The following PSD3 variants were observed in gnomAD, a reference collection of about 807,000 sequenced individuals.
PSD3 encodes the protein pleckstrin and Sec7 domain containing 3, also known as PH and SEC7 domain-containing protein 3.
A neutral mutation model predicts 105.5 loss-of-function variants in PSD3; 49 were observed. That is an observed-to-expected ratio of 0.46 (90% confidence interval 0.37 to 0.59). The LOEUF (loss-of-function observed/expected upper bound fraction) is 0.59. PSD3 is among the 20% of genes least tolerant of loss of function. The probability of loss-of-function intolerance (pLI) is 0.00; values close to 1 mark genes in which losing one functional copy is unlikely to be tolerated. For missense variants in PSD3, 1,561 were observed against 1,263.8 expected (o/e 1.24, Z -3.57); for synonymous variants, 557 against 457.8 (o/e 1.22, Z -2.77).
chr8:18,577,713 T>C (rs990916807), intron 12 of PSD3, among the ~76,000 whole-genome samples: 13 of 152,186 alleles, frequency 8.5e-5, no homozygotes, highest in South Asian at 2.1e-4. Context: ...ATCAACAAGA[T>C]AAGACTTTGA....
intron 4 of PSD3, among the ~76,000 whole-genome samples, chr8:18,806,470 T>C (rs1811211234): frequency 6.6e-6 from 1 of 152,228 alleles, no homozygotes; most frequent in African/African-American, 2.4e-5. Flanking sequence ...GATACATTAA[T>C]TTCCAAATCT....
intron 9 of PSD3, chr8:18,734,130 A>T (rs950723575): frequency 3.9e-5 from 6 of 152,244 alleles, no homozygotes; most frequent in Non-Finnish European, 7.3e-5. Context: ...AAACATTGGT[A>T]TCCATGTAAA....
chr8:18,629,901 T>C (rs1806769357), intron 11 of PSD3, among the ~76,000 whole-genome samples: 1 of 151,922 alleles, frequency 6.6e-6, no homozygotes, highest in African/African-American at 2.4e-5. Flanking sequence ...GGCTGAATTA[T>C]CTGCTAACAT....
At chr8:18,920,444 T>A (rs1423396025) in intron 2 of PSD3, among the ~76,000 whole-genome samples, 1 of 152,238 alleles carries the variant, frequency 6.6e-6, no homozygotes, top group Non-Finnish European at 1.5e-5. Flanking sequence ...TGTGGACAGA[T>A]ACAGCGGTAT....
Position 18,714,875 on chromosome 8 carries a change from CA to C in PSD3, c.2172+50573del, listed in dbSNP as rs1802488605. The stretch of plus-strand genomic sequence containing the variant: ...ATTCACAATATCAAAGACATGGAAT[CA>C]ACCCAAATGTCCATCAGTGATAGAC... On this transcript the variant is annotated intron_variant, in intron 9 of 15. Transcript: ENST00000327040. 2.0e-5 allele frequency among the ~76,000 whole-genome samples: 3 copies of C among 152,164 alleles called. No homozygotes were observed. The South Asian group carries it at 6.2e-4, about 31-fold the overall frequency.
intron 9 of PSD3, among the ~76,000 whole-genome samples, chr8:18,700,314 C>T (rs1801505254): frequency 6.6e-6 from 1 of 151,784 alleles, no homozygotes; most frequent in South Asian, 2.1e-4. Flanking sequence ...TATCGGTGGC[C>T]AAAAATAAGA....
intron 12 of PSD3, among the ~76,000 whole-genome samples, chr8:18,595,780 G>A (rs935037141): frequency 1.3e-5 from 2 of 152,000 alleles, no homozygotes; most frequent in African/African-American, 2.4e-5. Context: ...AACATTGACA[G>A]GACTGAAGGT....
chr8:18,982,212 T>C (rs965187795), intron 1 of PSD3, among the ~76,000 whole-genome samples: 1 of 152,248 alleles, frequency 6.6e-6, no homozygotes, highest in Admixed American at 6.5e-5. Flanking sequence ...CCTCATCCAC[T>C]AATGGTGCAT....
chr8:19,057,856 G>A (rs1828762833), intron 1 of PSD3, among the ~76,000 whole-genome samples: 1 of 152,116 alleles, frequency 6.6e-6, no homozygotes, highest in East Asian at 1.9e-4. Flanking sequence ...CAAAATGACA[G>A]GGCCACTCTA....
intron 10 of PSD3, among the ~76,000 whole-genome samples, chr8:18,652,576 C>T (rs1298503945): frequency 1.4e-5 from 2 of 143,972 alleles, no homozygotes. Flanking sequence ...CAGCTCACTG[C>T]AACCTCTGTT....
intron 10 of PSD3, among the ~76,000 whole-genome samples, chr8:18,648,908 G>A (rs67765763): frequency 0.08 from 12,120 of 152,336 alleles, 733 homozygotes; most frequent in African/African-American, 0.17. Flanking sequence ...TCCACATGGC[G>A]TTAAGCCTAT....
intron 2 of PSD3, among the ~76,000 whole-genome samples, chr8:18,879,407 AC>A (rs1817971480): frequency 6.6e-6 from 1 of 152,160 alleles, no homozygotes; most frequent in African/African-American, 2.4e-5. Flanking sequence ...ACTGGAACAG[AC>A]GGGGGGAGAC....
intron 1 of PSD3, among the ~76,000 whole-genome samples, chr8:18,949,039 G>A (rs1247284817): frequency 1.2e-4 from 18 of 150,116 alleles, no homozygotes; most frequent in African/African-American, 3.7e-4. Context: ...AGTTATACAC[G>A]GTGAAACCCC....
At chr8:18,817,920 T>A (rs1812348649) in intron 4 of PSD3, among the ~76,000 whole-genome samples, 1 of 152,188 alleles carries the variant, frequency 6.6e-6, no homozygotes, top group Non-Finnish European at 1.5e-5. Flanking sequence ...AAACCATGAT[T>A]ACTAAATAGA....
intron 1 of PSD3, among the ~76,000 whole-genome samples, chr8:19,007,731 C>G (rs1253016579): frequency 6.6e-6 from 1 of 152,198 alleles, no homozygotes; most frequent in African/African-American, 2.4e-5. Flanking sequence ...TTGCTGAATG[C>G]TTAAATCAAC....
At chr8:18,773,945 T>A (rs1309012212) in intron 8 of PSD3, among the ~76,000 whole-genome samples, 1 of 152,232 alleles carries the variant, frequency 6.6e-6, no homozygotes, top group African/African-American at 2.4e-5. Flanking sequence ...TCACTTGAAC[T>A]TATTTTGTTA....
chr8:18,586,230 T>G (rs945795691), intron 12 of PSD3, among the ~76,000 whole-genome samples: 2 of 151,838 alleles, frequency 1.3e-5, no homozygotes, highest in African/African-American at 2.4e-5. Flanking sequence ...GGGATGGGAG[T>G]AGTGAAAGAG....
chr8:18,557,088 A>G (rs1331698820), intron 14 of PSD3, among the ~76,000 whole-genome samples: 4 of 152,244 alleles, frequency 2.6e-5, no homozygotes, highest in African/African-American at 9.6e-5. Flanking sequence ...ATATCACCTT[A>G]GCAATAGGCT....
chr8:18,817,147 C>A (rs193066231), intron 4 of PSD3, among the ~76,000 whole-genome samples: 1 of 152,178 alleles, frequency 6.6e-6, no homozygotes, highest in Non-Finnish European at 1.5e-5. Context: ...AATTCACTTA[C>A]AATTTCAAAG....
Sources: gnomAD v4.1 joint callset for allele counts (sites outside exome capture counted in the v4.1 genomes callset) on GRCh38, gnomAD v4.1.1 for gene constraint, MANE v1.5 for transcripts, NCBI Gene and HGNC (gene_info 2026-07-23, HGNC 2026-07-21) for gene names.